The following DDX1 variants were observed in gnomAD, a reference collection of about 807,000 sequenced individuals.
The protein encoded by DDX1 is ATP-dependent RNA helicase DDX1.
A neutral mutation model predicts 108.7 loss-of-function variants in DDX1; 28 were observed. That is an observed-to-expected ratio of 0.26 (90% CI 0.19 to 0.35). DDX1 has a LOEUF of 0.35. DDX1 is among the 10% of genes least tolerant of loss of function. DDX1 has a pLI of 1.00. For missense variants in DDX1, 710 were observed against 884.5 expected (o/e 0.80, Z 2.50); for synonymous variants, 295 against 288.9 (o/e 1.02, Z -0.21).
Position 15,628,656 on chromosome 2 carries a change from C to A in DDX1, c.1778C>A (p.Pro593His), listed in dbSNP as rs774565569. Residue 593 changes from proline (P) to histidine (H), a missense_variant, in exon 22 of 26, where the codon CCC becomes CAC. Transcript: ENST00000233084. Reference protein sequence around the residue: ...GVPYVINVTLPDEKQNYVHRI... With the variant: ...GVPYVINVTLHDEKQNYVHRI... The stretch of plus-strand genomic sequence containing the variant: ...TTTATAGTTATAAATGTCACTCTGC[C>A]CGATGAAAAGCAAAACTACGTACAT... 6 of 1,612,394 alleles carry A rather than the reference C, an allele frequency of 3.7e-6. No individual in the cohort carries two copies. The East Asian group carries it at 1.3e-4, about 36-fold the overall frequency.
At chr2:15,626,902 A>G (rs913044149) in intron 19 of DDX1, 152 bp from the exon 20 acceptor site, 6 of 555,436 alleles carry the variant, frequency 1.1e-5, no homozygotes, top group Non-Finnish European at 1.6e-5. Flanking sequence ...CGTTTGTGAC[A>G]TAAATTGTGT....
In DDX1 at chr2:15,604,428, GTGT is replaced by G. The variant is rs1211973945; in HGVS notation, c.553-7_553-5del. 6.3e-7 allele frequency: 1 copy of G among 1,583,794 alleles called. No individual in the cohort carries two copies. The highest frequency in any genetic ancestry group is 8.7e-7 in the Non-Finnish European group (1 of 1,154,198). ...TCTATTAATAGCATTTGACTTTCTG[GTGT>G]TCTAGGAATTCACTATGCATGATAC... On this transcript the variant is annotated splice_region_variant and splice_polypyrimidine_tract_variant and intron_variant, in intron 9 of 25. Transcript: ENST00000233084.
In DDX1 at chr2:15,599,708, C is replaced by G. The variant is rs779224512; in HGVS notation, c.299C>G (p.Ser100Cys). The change falls in exon 6 of 26, where the codon TCT becomes TGT. Residue 100 changes from serine to cysteine, a missense_variant. Ser to Cys is a moderately radical substitution (Grantham distance 112). This residue lies in a region of DDX1 where 661 missense variants were observed against 810.2 expected (regional missense o/e 0.82). Transcript: ENST00000233084. ...CAGATGAACCCATATGACAGAGGATCTGCTTTTGGTAAGTGGATAGACTTT... is the reference window on the plus strand; with the variant it reads ...CAGATGAACCCATATGACAGAGGATGTGCTTTTGGTAAGTGGATAGACTTT... Reference protein sequence around the residue: ...KWQMNPYDRGSAFAIGSDGLC... With the variant: ...KWQMNPYDRGCAFAIGSDGLC... 5.0e-6 allele frequency: 8 copies of G among 1,608,664 alleles called. No individual in the cohort carries two copies. Among genetic ancestry groups the G allele is most frequent in the Non-Finnish European group, 5.9e-6 (7 of 1,176,980 alleles).
At chr2:15,596,824 A>T in intron 4 of DDX1, 61 bp downstream of exon 4, 1 of 1,302,306 alleles carries the variant, frequency 7.7e-7, no homozygotes, top group Non-Finnish European at 1.1e-6. Context: ...AACTTTGAAC[A>T]GTAGTTTTTA....
intron 1 of DDX1, 58 bp downstream of exon 1, chr2:15,592,007 G>C: frequency 7.4e-7 from 1 of 1,346,988 alleles, no homozygotes; most frequent in Non-Finnish European, 9.6e-7. Context: ...CTCAGCCCTG[G>C]GGCCGCCCGC....
In DDX1 at chr2:15,618,257, G is replaced by A. The variant is rs1430738419; in HGVS notation, c.1193G>A (p.Gly398Glu). ...HNQIPQVTSD[G>E]KRLQVIVCSA... ...CAGATTCCTCAGGTTACCTCTGATG[G>A]AAAAAGACTTCAGGTATAAAATTTA... is the stretch of plus-strand genomic sequence containing the variant. Residue 398 changes from glycine (G) to glutamate (E), a missense_variant, in exon 16 of 26, where the codon GGA (glycine) becomes GAA (glutamate). Physicochemically the swap from Gly to Glu is moderately conservative, Grantham distance 98. This residue lies in a region of DDX1 where 661 missense variants were observed against 810.2 expected (regional missense o/e 0.82). Transcript: ENST00000233084. 3 of 1,553,822 alleles carry A rather than the reference G, an allele frequency of 1.9e-6. No individual in the cohort carries two copies. The highest frequency in any genetic ancestry group is 1.4e-5 in the African/African-American group (1 of 74,030).
In DDX1 at chr2:15,617,232, G is replaced by A. The variant is rs1175629343; in HGVS notation, c.1018-12G>A. 6.1e-6 allele frequency: 9 copies of A among 1,483,762 alleles called. No homozygotes were observed. Among genetic ancestry groups the A allele is most frequent in the Non-Finnish European group, 7.4e-6 (8 of 1,087,678 alleles). The allele number at this position is 1,483,762 out of a possible 1,614,324, so 91.9% of individuals were successfully genotyped here. A position where few individuals can be genotyped will look rare whatever the true frequency, so the allele number is the denominator to read the frequency against. ...TTAGTTTTCATTAAGTGGTTGGTTT[G>A]CTTTTTTTCAGGTAGATATAGTTGT... On this transcript the variant is annotated splice_polypyrimidine_tract_variant and intron_variant, in intron 14 of 25. Transcript: ENST00000233084.
At chr2:15,597,809 G>T (rs1366984275) in intron 5 of DDX1, among the ~76,000 whole-genome samples, 1 of 152,138 alleles carries the variant, frequency 6.6e-6, no homozygotes, top group African/African-American at 2.4e-5. Context: ...ATTAAGGAAG[G>T]ATTTTACAAA....
At chr2:15,595,015 C>T (rs981437898) in intron 1 of DDX1, 130 bp from the exon 2 acceptor site, 14 of 644,354 alleles carry the variant, frequency 2.2e-5, no homozygotes, top group African/African-American at 5.6e-5. Flanking sequence ...AACAGTGCCA[C>T]GCTCAGTAGA....
intron 19 of DDX1, among the ~76,000 whole-genome samples, chr2:15,625,846 A>G (rs567940369): frequency 1.3e-5 from 2 of 152,254 alleles, no homozygotes; most frequent in Non-Finnish European, 2.9e-5. Flanking sequence ...TAATGGTCAT[A>G]TAAAGAATAC....
At chr2:15,598,652 A>G (rs993254173) in intron 5 of DDX1, among the ~76,000 whole-genome samples, 4 of 152,214 alleles carry the variant, frequency 2.6e-5, no homozygotes, top group Non-Finnish European at 5.9e-5. Context: ...CCACAATGCA[A>G]GGGAAAACCT....
intron 14 of DDX1, among the ~76,000 whole-genome samples, chr2:15,614,121 G>A (rs576929154): frequency 8.5e-5 from 13 of 152,230 alleles, no homozygotes; most frequent in African/African-American, 2.6e-4. Flanking sequence ...GCGCCTGGCC[G>A]AAGTTTAGGA....
Position 15,604,473 on chromosome 2 carries a change from G to C in DDX1, c.589G>C (p.Asp197His). The C allele has an allele frequency of 6.2e-7, 1 of 1,611,266 alleles. No homozygotes were observed. Among genetic ancestry groups the C allele is most frequent in the Non-Finnish European group, 8.5e-7 (1 of 1,177,706 alleles). ...GCATGATACCATTGGATGTTACCTG[G>C]ATATAGATAAGGGACATGTCAAGTT... The part of the protein sequence containing the change: ...TMHDTIGCYL[D>H]IDKGHVKFSK... Residue 197 changes from aspartate to histidine, a missense_variant, in exon 10 of 26, where the codon GAT (aspartate) becomes CAT (histidine). This residue lies in a region of DDX1 where 661 missense variants were observed against 810.2 expected (regional missense o/e 0.82). Transcript: ENST00000233084.
intron 13 of DDX1, among the ~76,000 whole-genome samples, chr2:15,609,480 G>A (rs1665719838): frequency 6.6e-6 from 1 of 152,160 alleles, no homozygotes; most frequent in Non-Finnish European, 1.5e-5. Context: ...ACTGTCATGT[G>A]TTACTTTTCC....
chr2:15,601,491 A>G (rs367635279), intron 6 of DDX1, among the ~76,000 whole-genome samples: 1 of 152,178 alleles, frequency 6.6e-6, no homozygotes, highest in East Asian at 1.9e-4. Flanking sequence ...TTAATTTGCT[A>G]GAGTGGCTCA....
At chr2:15,600,686 A>G (rs1211878657) in intron 6 of DDX1, among the ~76,000 whole-genome samples, 2 of 142,394 alleles carry the variant, frequency 1.4e-5, no homozygotes, top group East Asian at 4.1e-4. Flanking sequence ...CATTTTAGCT[A>G]TTACAGATAA....
At position 15,604,459 on chromosome 2, in the gene DDX1, T is replaced by C. The variant is rs937240253; in HGVS notation, c.575T>C (p.Ile192Thr). 5.6e-6 allele frequency: 9 copies of C among 1,611,040 alleles called. No individual in the cohort carries two copies. Among genetic ancestry groups the C allele is most frequent in the Admixed American group, 3.3e-5 (2 of 60,002 alleles). ...YGEEFTMHDTIGCYLDIDKGH... is the reference protein window; with the variant it reads ...YGEEFTMHDTTGCYLDIDKGH... ...TAGGAATTCACTATGCATGATACCA[T>C]TGGATGTTACCTGGATATAGATAAG... Residue 192 changes from isoleucine (I) to threonine (T), a missense_variant, in exon 10 of 26, where the codon ATT (isoleucine) becomes ACT (threonine). Around this residue, in one of 3 missense-constraint regions of DDX1, gnomAD observed 661 missense variants for 810.2 expected, o/e 0.82. Transcript: ENST00000233084.
intron 13 of DDX1, among the ~76,000 whole-genome samples, chr2:15,611,091 C>G (rs915490818): frequency 6.7e-6 from 1 of 149,410 alleles, no homozygotes; most frequent in Non-Finnish European, 1.5e-5. Flanking sequence ...TGACTCTTAA[C>G]GAGCATGCTG....
intron 14 of DDX1, among the ~76,000 whole-genome samples, chr2:15,616,164 C>T (rs527722021): frequency 1.3e-5 from 2 of 152,196 alleles, no homozygotes; most frequent in East Asian, 3.9e-4. Flanking sequence ...CTGCCTGCCT[C>T]GGCCTCCCAA....
Sources: allele counts gnomAD v4.1 joint callset (sites outside exome capture counted in the v4.1 genomes callset), GRCh38; gene constraint gnomAD v4.1.1; regional missense constraint gnomAD v4.1.1; transcripts MANE v1.5; gene names NCBI Gene and HGNC (gene_info 2026-07-23, HGNC 2026-07-21).